Variants in PALM2AKAP2 observed in about 807,000 individuals in gnomAD.
PALM2AKAP2 encodes the protein PALM2 and AKAP2 fusion.
A neutral mutation model predicts 71.5 loss-of-function variants in PALM2AKAP2; 37 were observed. The observed-to-expected ratio is 0.52, with a 90% CI of 0.40 to 0.68. The LOEUF (loss-of-function observed/expected upper bound fraction) is 0.68, where lower values mean the gene tolerates loss of function less well. PALM2AKAP2 is among the 30% of genes least tolerant of loss of function. The pLI is 0.00. For missense variants in PALM2AKAP2, 1,224 were observed against 1,191.8 expected (o/e 1.03, Z -0.40); for synonymous variants, 468 against 478.8 (o/e 0.98, Z 0.29).
chr9:109,690,179 C>T (rs1348055227), intron 1 of PALM2AKAP2, among the ~76,000 whole-genome samples: 2 of 152,100 alleles, frequency 1.3e-5, no homozygotes, highest in Non-Finnish European at 2.9e-5. Context: ...CAGCATCTTG[C>T]CTTGGTTTAT....
intron 6 of PALM2AKAP2, among the ~76,000 whole-genome samples, chr9:110,001,935 A>C (rs1167088832): frequency 6.6e-6 from 1 of 152,192 alleles, no homozygotes. Context: ...GGGGTTTTCT[A>C]GATATACAAT....
chr9:109,672,913 T>TGA lies in PALM2AKAP2; in HGVS notation c.5+32047_5+32048insGA, dbSNP rs560445501. 1.2e-3 allele frequency among the ~76,000 whole-genome samples: 179 copies of TGA among 152,110 alleles called. 1 individual carries two copies. The highest frequency in any genetic ancestry group is 4.0e-3 in the African/African-American group (168 of 41,552). ...GCATAGAGGTGTTCATAATATTCTCTTGGTGGTTTGTATTTCTGTGAGGTC... is the reference window on the plus strand; with the variant it reads ...GCATAGAGGTGTTCATAATATTCTCTGATGGTGGTTTGTATTTCTGTGAGGTC... On this transcript the variant is annotated intron_variant, in intron 1 of 6. Transcript: ENST00000374531.
intron 6 of PALM2AKAP2, among the ~76,000 whole-genome samples, chr9:109,976,127 A>C (rs1832168443): frequency 1.3e-5 from 2 of 152,148 alleles, no homozygotes; most frequent in South Asian, 4.1e-4. Context: ...TTACCACCTC[A>C]TCTTAGTCCT....
intron 1 of PALM2AKAP2, among the ~76,000 whole-genome samples, chr9:110,105,414 G>T (rs1835095466): frequency 6.6e-6 from 1 of 152,204 alleles, no homozygotes; most frequent in African/African-American, 2.4e-5. Flanking sequence ...CAGTGAACTT[G>T]ATAGAAGCTG....
chr9:109,804,966 T>C (rs1323801297), intron 1 of PALM2AKAP2, among the ~76,000 whole-genome samples: 1 of 152,250 alleles, frequency 6.6e-6, no homozygotes, highest in Non-Finnish European at 1.5e-5. Context: ...ATGCTCTCTA[T>C]AAATTTTGCA....
intron 1 of PALM2AKAP2, among the ~76,000 whole-genome samples, chr9:110,081,979 G>A (rs1834459580): frequency 6.6e-6 from 1 of 152,094 alleles, no homozygotes; most frequent in African/African-American, 2.4e-5. Flanking sequence ...CTTTTAATGT[G>A]TGCAGTCAAG....
chr9:110,094,125 C>G (rs956360629), intron 1 of PALM2AKAP2, among the ~76,000 whole-genome samples: 1 of 152,168 alleles, frequency 6.6e-6, no homozygotes, highest in African/African-American at 2.4e-5. Context: ...TGTTGAGAAC[C>G]CTGCTTACCA....
At chr9:109,705,186 A>G (rs1483198742) in intron 1 of PALM2AKAP2, among the ~76,000 whole-genome samples, 1 of 152,180 alleles carries the variant, frequency 6.6e-6, no homozygotes, top group Non-Finnish European at 1.5e-5. Flanking sequence ...TTGACTTGGA[A>G]AACAAGTGCC....
chr9:109,932,344 T>C (rs932798423), intron 6 of PALM2AKAP2, among the ~76,000 whole-genome samples: 7 of 152,226 alleles, frequency 4.6e-5, no homozygotes, highest in Admixed American at 3.9e-4. Flanking sequence ...CCTCCAGGGA[T>C]TTTCATTTTC....
At chr9:109,877,943 C>T (rs1054100208) in intron 2 of PALM2AKAP2, among the ~76,000 whole-genome samples, 1 of 152,224 alleles carries the variant, frequency 6.6e-6, no homozygotes, top group Non-Finnish European at 1.5e-5. Flanking sequence ...TTATTTTGTG[C>T]CTACAACAGA....
intron 3 of PALM2AKAP2, among the ~76,000 whole-genome samples, chr9:109,881,399 C>T (rs1829846818): frequency 6.6e-6 from 1 of 152,158 alleles, no homozygotes; most frequent in South Asian, 2.1e-4. Context: ...GCTGTTATTG[C>T]TGCTGTAGTG....
chr9:110,166,828 C>T (rs539740926), intron 3 of PALM2AKAP2, among the ~76,000 whole-genome samples: 2 of 152,292 alleles, frequency 1.3e-5, no homozygotes, highest in South Asian at 4.1e-4. Flanking sequence ...TATGTCTGGG[C>T]TCCCACCTCT....
intron 3 of PALM2AKAP2, among the ~76,000 whole-genome samples, chr9:110,165,142 C>T (rs1249418233): frequency 6.6e-6 from 1 of 152,106 alleles, no homozygotes; most frequent in African/African-American, 2.4e-5. Context: ...ACAGTAACAT[C>T]GTACTTAGGA....
intron 3 of PALM2AKAP2, among the ~76,000 whole-genome samples, chr9:110,159,529 AT>A (rs2119238510): frequency 1.3e-5 from 2 of 152,296 alleles, no homozygotes; most frequent in South Asian, 4.1e-4. Flanking sequence ...AATAATTCTT[AT>A]TTTTTATTCT....
chr9:109,989,825 A>G (rs1017045541), intron 6 of PALM2AKAP2, among the ~76,000 whole-genome samples: 1 of 151,964 alleles, frequency 6.6e-6, no homozygotes, highest in Non-Finnish European at 1.5e-5. Context: ...TGCCCCCTCC[A>G]CCATTCGCCA....
intron 1 of PALM2AKAP2, among the ~76,000 whole-genome samples, chr9:110,086,106 C>CA (rs34871967): frequency 0.26 from 21,014 of 79,798 alleles, 2,174 homozygotes; most frequent in Middle Eastern, 0.44. Flanking sequence ...GACTCCATCT[C>CA]AAAAAAAAAA....
At chr9:109,998,108 G>A (rs1309842385) in intron 6 of PALM2AKAP2, among the ~76,000 whole-genome samples, 1 of 148,888 alleles carries the variant, frequency 6.7e-6, no homozygotes, top group Non-Finnish European at 1.5e-5. Context: ...GAGGAAGAGA[G>A]CTAACCCCAT....
At chr9:109,872,986 T>G (rs951244077) in intron 2 of PALM2AKAP2, among the ~76,000 whole-genome samples, 2 of 152,304 alleles carry the variant, frequency 1.3e-5, no homozygotes, top group African/African-American at 4.8e-5. Context: ...TCTCCCTGGG[T>G]GGACTGAAGC....
intron 3 of PALM2AKAP2, among the ~76,000 whole-genome samples, chr9:109,894,168 C>G (rs1485648995): frequency 6.6e-6 from 1 of 152,064 alleles, no homozygotes; most frequent in African/African-American, 2.4e-5. Flanking sequence ...GAAACCCCGT[C>G]TCTACTAAAA....
Sources: allele counts gnomAD v4.1 joint callset (sites outside exome capture counted in the v4.1 genomes callset), GRCh38; gene constraint gnomAD v4.1.1; transcripts MANE v1.5; gene names NCBI Gene and HGNC (gene_info 2026-07-23, HGNC 2026-07-21).